The following WDR7 variants were observed in gnomAD, a reference collection of about 807,000 sequenced individuals.
WDR7 encodes the protein WD repeat domain 7.
WDR7 carries 46 observed loss-of-function variants against 169.4 expected under a neutral mutation model. The ratio of observed to expected loss-of-function variants is 0.27; its 90% CI spans 0.21 to 0.35. The LOEUF (loss-of-function observed/expected upper bound fraction) is 0.35, where lower values mean the gene tolerates loss of function less well. Ranked by LOEUF, WDR7 falls within the 10% of genes least tolerant of loss-of-function variation. WDR7 has a pLI of 1.00. For synonymous variants in WDR7, 612 were observed against 666.8 expected, an observed-to-expected ratio of 0.92 and a Z score of 1.27; for missense variants, 1,534 against 1,859.3, an observed-to-expected ratio of 0.83 and a Z score of 3.22.
At chr18:56,846,619 A>T (rs926564064) in intron 20 of WDR7, among the ~76,000 whole-genome samples, 4 of 152,114 alleles carry the variant, frequency 2.6e-5, no homozygotes, top group African/African-American at 9.7e-5. Context: ...GACTAATACA[A>T]ATGGCTTGGT....
chr18:56,663,228 G>T lies in WDR7; in HGVS notation c.-19-9269G>T, dbSNP rs1215324461. Among the ~76,000 whole-genome samples, 3 of 152,168 alleles carry T rather than the reference G, an allele frequency of 2.0e-5. No homozygotes were observed. In the East Asian group the frequency reaches 5.8e-4, roughly 29 times the overall value. On this transcript the variant is annotated intron_variant, in intron 1 of 27. Transcript: ENST00000254442. ...CCTCCAAATACACAAATACACTGGG[G>T]GTTAGGGCTTCAACATATGCGTTTT...
chr18:56,857,754 A>C (rs1422773051), intron 20 of WDR7, among the ~76,000 whole-genome samples: 1 of 152,144 alleles, frequency 6.6e-6, no homozygotes, highest in East Asian at 1.9e-4. Context: ...GGCAAATTAC[A>C]AAAAAGCCTG....
intron 19 of WDR7, among the ~76,000 whole-genome samples, chr18:56,808,009 A>G (rs1036991682): frequency 6.6e-6 from 1 of 152,176 alleles, no homozygotes; most frequent in Non-Finnish European, 1.5e-5. Flanking sequence ...GCAAAAGGTT[A>G]TCTTTCTATG....
chr18:56,666,201 CTTT>C (rs71169386), intron 1 of WDR7, among the ~76,000 whole-genome samples: 1 of 100,976 alleles, frequency 9.9e-6, no homozygotes, highest in Non-Finnish European at 1.8e-5. Flanking sequence ...ATTCCTTCGT[CTTT>C]TTTTTTTTTT....
At position 56,962,445 on chromosome 18, in the gene WDR7, C is replaced by T; in HGVS notation, c.4080C>T (p.Ser1360=). ...FPAICRFYMV[S]YYERNHRIAV... is the part of the protein sequence containing the mutation. The stretch of plus-strand genomic sequence containing the variant: ...TTCAACTCAGGTTCTACATGGTCAG[C>T]TATTATGAGCGGAATCACAGAATAG... Residue 1360 remains serine (S), a synonymous_variant, in exon 26 of 28, where the codon AGC becomes AGT. Coordinates refer to ENST00000254442, the MANE Select transcript of WDR7 (RefSeq NM_015285.3). 1 of 1,612,972 alleles carries T rather than the reference C, an allele frequency of 6.2e-7. No homozygotes were observed. Among genetic ancestry groups the T allele is most frequent in the East Asian group, 2.2e-5 (1 of 44,866 alleles).
At chr18:56,834,140 G>A (rs144999991) in intron 20 of WDR7, among the ~76,000 whole-genome samples, 2 of 152,310 alleles carry the variant, frequency 1.3e-5, no homozygotes, top group African/African-American at 4.8e-5. Context: ...CTATCCATAG[G>A]CATTTCCCTT....
At chr18:57,015,476 A>G (rs1296489368) in intron 26 of WDR7, among the ~76,000 whole-genome samples, 1 of 152,184 alleles carries the variant, frequency 6.6e-6, no homozygotes, top group Non-Finnish European at 1.5e-5. Context: ...ATTAATTCTT[A>G]ACTTTTAAAC....
At position 56,815,881 on chromosome 18, in the gene WDR7, C is replaced by T. The variant is rs1410232288; in HGVS notation, c.3191-150C>T. 1.6e-5 allele frequency: 10 copies of T among 614,636 alleles called. No individual in the cohort carries two copies. The Admixed American group carries it at 3.2e-4, about 20-fold the overall frequency. The allele number at this position is 614,636 out of a possible 1,614,324, so 38.1% of individuals were successfully genotyped here. A position where few individuals can be genotyped will look rare whatever the true frequency, so the allele number is the denominator to read the frequency against. On this transcript the variant is annotated intron_variant, in intron 19 of 27. Transcript: ENST00000254442. ...ATAGAGCACACGTGAATGTTTTATT[C>T]ATTGATTTGTGTCTCTAATTTTGGT...
At chr18:56,711,178 C>CT (rs1314672308) in intron 12 of WDR7, among the ~76,000 whole-genome samples, 1 of 151,312 alleles carries the variant, frequency 6.6e-6, no homozygotes, top group African/African-American at 2.4e-5. Context: ...ATTTTTTAAC[C>CT]TACACGTATT....
At chr18:56,938,799 G>C (rs2046994060) in intron 24 of WDR7, 117 bp downstream of exon 24, 1 of 1,049,234 alleles carries the variant, frequency 9.5e-7, no homozygotes, top group African/African-American at 1.8e-5. Context: ...GGGTGAGAGA[G>C]AAAGAATGAG....
intron 21 of WDR7, among the ~76,000 whole-genome samples, chr18:56,893,966 A>C (rs1054013201): frequency 6.6e-6 from 1 of 152,080 alleles, no homozygotes; most frequent in Non-Finnish European, 1.5e-5. Context: ...TGGTTTTCCC[A>C]TCTAAACCTA....
chr18:56,786,305 C>T lies in WDR7; in HGVS notation c.3190+4649C>T, dbSNP rs533632224. On this transcript the variant is annotated intron_variant, in intron 19 of 27. Coordinates refer to ENST00000254442, the MANE Select transcript of WDR7 (RefSeq NM_015285.3). ...TAGCACTTTGGGAGGCCGAAGCGGG[C>T]GGATTGCCTGAGCTCAGGAGTTCAA... Among the ~76,000 whole-genome samples, 133 of 152,110 alleles carry T rather than the reference C, an allele frequency of 8.7e-4. 1 individual carries two copies. Among genetic ancestry groups the T allele is most frequent in the Admixed American group, 2.9e-3 (44 of 15,274 alleles).
chr18:56,849,691 C>T (rs371314236), intron 20 of WDR7, among the ~76,000 whole-genome samples: 13 of 152,170 alleles, frequency 8.5e-5, no homozygotes, highest in African/African-American at 2.2e-4. Flanking sequence ...TCTTTAAAAA[C>T]GTAAATCAGA....
At chr18:56,907,483 T>C (rs1164926192) in intron 21 of WDR7, among the ~76,000 whole-genome samples, 2 of 152,220 alleles carry the variant, frequency 1.3e-5, no homozygotes, top group African/African-American at 4.8e-5. Flanking sequence ...TAAACCATAA[T>C]AACCTCTTTG....
chr18:56,884,348 G>T (rs1024771588), intron 21 of WDR7, among the ~76,000 whole-genome samples: 6 of 152,024 alleles, frequency 3.9e-5, no homozygotes, highest in African/African-American at 1.5e-4. Flanking sequence ...GTCTTTTGAT[G>T]GGATTGTTTG....
intron 25 of WDR7, among the ~76,000 whole-genome samples, chr18:56,962,208 G>T (rs1457337351): frequency 6.6e-6 from 1 of 151,772 alleles, no homozygotes; most frequent in Admixed American, 6.6e-5. Context: ...TTATTAAGAG[G>T]CCAAAGTGAT....
intron 26 of WDR7, among the ~76,000 whole-genome samples, chr18:56,979,161 T>C (rs1337459637): frequency 6.6e-6 from 1 of 152,172 alleles, no homozygotes; most frequent in Non-Finnish European, 1.5e-5. Context: ...GTTATTAATA[T>C]GTATAAGTAT....
At chr18:56,779,578 C>A (rs773955291) in intron 18 of WDR7, 29 bp downstream of exon 18, 2 of 1,556,582 alleles carry the variant, frequency 1.3e-6, no homozygotes, top group African/African-American at 2.8e-5. Flanking sequence ...GGATAGAAAA[C>A]AAAAATATTA....
At chr18:56,975,012 G>A (rs766569958) in intron 26 of WDR7, among the ~76,000 whole-genome samples, 13 of 152,042 alleles carry the variant, frequency 8.6e-5, no homozygotes, top group Non-Finnish European at 8.8e-5. Flanking sequence ...GGCTGAGGCG[G>A]GTGGATCACG....
Sources: allele counts gnomAD v4.1 joint callset (sites outside exome capture counted in the v4.1 genomes callset), GRCh38; gene constraint gnomAD v4.1.1; transcripts MANE v1.5; gene names NCBI Gene and HGNC (gene_info 2026-07-23, HGNC 2026-07-21).